PCLO: variants seen among roughly 807,000 people sequenced by gnomAD.
The protein encoded by PCLO is piccolo presynaptic cytomatrix protein.
PCLO carries 82 observed loss-of-function variants against 427.5 expected under a neutral mutation model. That is an observed-to-expected ratio of 0.19 (90% confidence interval 0.16 to 0.23). PCLO has a LOEUF of 0.23. PCLO is among the 10% of genes least tolerant of loss of function. The probability of loss-of-function intolerance (pLI) is 1.00; values close to 1 mark genes in which losing one functional copy is unlikely to be tolerated. For missense variants in PCLO, 6,239 were observed against 6,115.9 expected, an observed-to-expected ratio of 1.02 and a Z score of -0.67; for synonymous variants, 2,357 against 2,155.4, an observed-to-expected ratio of 1.09 and a Z score of -2.59.
rs574502381 is a variant in PCLO at position 83,134,807 on chromosome 7, C to T, written c.2743G>A (p.Ala915Thr). The change falls in exon 3 of 25, where the codon GCC becomes ACC. Residue 915 changes from alanine (A) to threonine (T), a missense_variant. Physicochemically the swap from Ala to Thr is moderately conservative, Grantham distance 58. Around this residue, in one of 5 missense-constraint regions of PCLO, gnomAD observed 4,677 missense variants for 4,468.4 expected, o/e 1.05. Coordinates refer to ENST00000333891, the MANE Select transcript of PCLO (RefSeq NM_033026.6). ...FSLNLGSITDAPKSQPTTPQE... is the reference protein window; with the variant it reads ...FSLNLGSITDTPKSQPTTPQE... ...GGAGTTGTAGGCTGTGATTTGGGGG[C>T]ATCAGTAATACTTCCCAGATTCAGA... The T allele has an allele frequency of 1.7e-5, 28 of 1,613,680 alleles. No individual in the cohort carries two copies. The East Asian group carries it at 3.6e-4, about 21-fold the overall frequency.
At chr7:82,973,398 TAA>T (rs1359986126) in intron 3 of PCLO, among the ~76,000 whole-genome samples, 1 of 151,550 alleles carries the variant, frequency 6.6e-6, no homozygotes, top group Non-Finnish European at 1.5e-5. Flanking sequence ...TATATAGACA[TAA>T]GATTATATCA....
chr7:82,995,587 G>T (rs1796476925), intron 3 of PCLO, among the ~76,000 whole-genome samples: 1 of 151,904 alleles, frequency 6.6e-6, no homozygotes, highest in Admixed American at 6.6e-5. Context: ...ACTTGATGTG[G>T]ACATGATATC....
At chr7:83,063,020 G>C (rs1450846121) in intron 3 of PCLO, among the ~76,000 whole-genome samples, 1 of 151,742 alleles carries the variant, frequency 6.6e-6, no homozygotes, top group African/African-American at 2.4e-5. Flanking sequence ...TTATATTTCA[G>C]CGTCATTTGC....
At chr7:82,918,393 A>G (rs1043942804) in intron 6 of PCLO, among the ~76,000 whole-genome samples, 1 of 152,002 alleles carries the variant, frequency 6.6e-6, no homozygotes. Flanking sequence ...AAAAATCTCT[A>G]TATTTCTATA....
chr7:82,907,810 T>G (rs1371044018), intron 8 of PCLO, among the ~76,000 whole-genome samples: 2 of 151,984 alleles, frequency 1.3e-5, no homozygotes, highest in Admixed American at 1.3e-4. Flanking sequence ...GAAAAAATTC[T>G]GTTTAATAGG....
intron 24 of PCLO, 59 bp from the exon 25 acceptor site, chr7:82,758,774 T>A: frequency 2.0e-6 from 2 of 999,608 alleles, no homozygotes; most frequent in Non-Finnish European, 1.5e-6. Context: ...ATGTGTATAG[T>A]TTTCAACCTT....
At chr7:82,848,220 A>G (rs565095225) in intron 10 of PCLO, among the ~76,000 whole-genome samples, 3 of 151,460 alleles carry the variant, frequency 2.0e-5, no homozygotes, top group South Asian at 2.1e-4. Context: ...CATCCAAGAT[A>G]GTGCTCAAAT....
intron 22 of PCLO, among the ~76,000 whole-genome samples, chr7:82,778,125 C>CA (rs1159105281): frequency 1.3e-5 from 2 of 151,878 alleles, no homozygotes; most frequent in South Asian, 2.1e-4. Context: ...AGACACATTT[C>CA]AAAAAAAGAC....
chr7:83,157,568 G>T (rs1268152223), intron 1 of PCLO, among the ~76,000 whole-genome samples: 1 of 151,462 alleles, frequency 6.6e-6, no homozygotes, highest in African/African-American at 2.4e-5. Flanking sequence ...AAATGACTAT[G>T]GTTAAATAAT....
At chr7:82,987,834 C>A (rs1342064587) in intron 3 of PCLO, among the ~76,000 whole-genome samples, 1 of 151,978 alleles carries the variant, frequency 6.6e-6, no homozygotes. Context: ...CTTTCCCATT[C>A]ACAAATAGAA....
Position 83,154,767 on chromosome 7 carries a change from G to C in PCLO, c.1874C>G (p.Pro625Arg). The part of the protein sequence containing the change: ...TTVCSLCGFN[P>R]NPHLTEVKEW... ...ACTTACCTCCGTTAAATGAGGATTG[G>C]GATTAAAACCACAGAGACTACAGAC... The change falls in exon 2 of 25, where the codon CCC (proline) becomes CGC (arginine). Residue 625 changes from proline (P) to arginine (R), a missense_variant. By Grantham distance (103) the Pro-to-Arg change is moderately radical. Coordinates refer to ENST00000333891, the MANE Select transcript of PCLO (RefSeq NM_033026.6). 6.2e-7 allele frequency: 1 copy of C among 1,613,524 alleles called. No homozygotes were observed. Among genetic ancestry groups the C allele is most frequent in the Non-Finnish European group, 8.5e-7 (1 of 1,179,512 alleles).
chr7:82,762,546 C>A (rs534505110), intron 22 of PCLO, among the ~76,000 whole-genome samples: 1 of 151,860 alleles, frequency 6.6e-6, no homozygotes, highest in South Asian at 2.1e-4. Context: ...CTTCAAAGAA[C>A]CTTTGTTTAT....
rs1369600832 is a variant in PCLO, at chr7:83,022,457, CA to C, written c.3301-55971del. Among the ~76,000 whole-genome samples the C allele has an allele frequency of 2.6e-5, 4 of 152,182 alleles. No individual in the cohort carries two copies. In the East Asian group the frequency reaches 7.7e-4, roughly 29 times the overall value. Reference sequence around the variant, plus strand: ...AAATGATGGCAATATTTTAAAGGATCAAAAAATACCAGGACCCGATTCTTCA... The same window carrying C: ...AAATGATGGCAATATTTTAAAGGATCAAAAATACCAGGACCCGATTCTTCA... On this transcript the variant is annotated intron_variant, in intron 3 of 24. Transcript: ENST00000333891.
chr7:82,771,018 T>A (rs1289011088), intron 22 of PCLO, among the ~76,000 whole-genome samples: 1 of 151,896 alleles, frequency 6.6e-6, no homozygotes, highest in East Asian at 1.9e-4. Flanking sequence ...AAGAACTGTA[T>A]TTTTTTAAAG....
chr7:83,107,712 T>TGGCC (rs1554398480), intron 3 of PCLO, among the ~76,000 whole-genome samples: 1,803 of 67,736 alleles, frequency 0.027, 27 homozygotes, highest in Middle Eastern at 0.038. Context: ...AAGAAGAGAA[T>TGGCC]ATGTGCGGTG....
In PCLO at chr7:82,949,485, C is replaced by G. The variant is rs376277240; in HGVS notation, c.11103G>C (p.Glu3701Asp). 1.4e-5 allele frequency: 22 copies of G among 1,598,662 alleles called. No individual in the cohort carries two copies. The highest frequency in any genetic ancestry group is 1.8e-5 in the Non-Finnish European group (21 of 1,172,470). The change falls in exon 6 of 25, where the codon GAG becomes GAC. Residue 3701 changes from glutamate (E) to aspartate (D), a missense_variant. Physicochemically the swap from Glu to Asp is conservative, Grantham distance 45 (BLOSUM62 2). Around this residue, in one of 5 missense-constraint regions of PCLO, gnomAD observed 4,677 missense variants for 4,468.4 expected, o/e 1.05. Coordinates refer to ENST00000333891, the MANE Select transcript of PCLO (RefSeq NM_033026.6). ...ESSRAPFQYTEGYTTKGSQTM... is the reference protein window; with the variant it reads ...ESSRAPFQYTDGYTTKGSQTM... ...AAAGAATCACTCTTACCGTATAGCC[C>G]TCGGTATACTGAAAAGGAGCCCTGG...
intron 10 of PCLO, among the ~76,000 whole-genome samples, chr7:82,866,589 A>G (rs1793098221): frequency 6.6e-6 from 1 of 151,972 alleles, no homozygotes; most frequent in Admixed American, 6.6e-5. Context: ...GTAAAAGGAA[A>G]CAAAAGTAGC....
chr7:82,872,994 G>A (rs1793274512), intron 10 of PCLO, among the ~76,000 whole-genome samples: 1 of 152,016 alleles, frequency 6.6e-6, no homozygotes, highest in East Asian at 1.9e-4. Context: ...AGTATAACCC[G>A]AATTAAGTCT....
intron 3 of PCLO, among the ~76,000 whole-genome samples, chr7:83,067,399 T>C (rs1789694998): frequency 6.6e-6 from 1 of 152,234 alleles, no homozygotes; most frequent in African/African-American, 2.4e-5. Context: ...TCCATATTAA[T>C]TCAGTTGATT....
Sources: allele counts gnomAD v4.1 joint callset (sites outside exome capture counted in the v4.1 genomes callset), GRCh38; gene constraint gnomAD v4.1.1; regional missense constraint gnomAD v4.1.1; transcripts MANE v1.5; gene names NCBI Gene and HGNC (gene_info 2026-07-23, HGNC 2026-07-21).